The following CRACDL variants were observed in gnomAD, a reference collection of about 807,000 sequenced individuals.
CRACDL encodes the protein CRACD-like protein.
CRACDL carries 26 observed loss-of-function variants against 70.6 expected under a neutral mutation model. That is an observed-to-expected ratio of 0.37 (90% CI 0.27 to 0.51). The LOEUF (loss-of-function observed/expected upper bound fraction) is 0.51. Among genes scored for constraint, CRACDL ranks in the 20% least tolerant of loss-of-function variants. CRACDL has a pLI of 0.94. For synonymous variants in CRACDL, 618 were observed against 615.2 expected, an observed-to-expected ratio of 1.00 and a Z score of -0.07; for missense variants, 1,283 against 1,376.9, an observed-to-expected ratio of 0.93 and a Z score of 1.08.
intron 2 of CRACDL, 105 bp from the exon 3 acceptor site, chr2:98,838,392 A>G (rs1575372165): frequency 1.6e-6 from 1 of 628,650 alleles, no homozygotes; most frequent in Middle Eastern, 4.1e-4. Context: ...ATTTCCATCC[A>G]TGCATCAGTT....
At chr2:98,842,853 A>C (rs898842104) in intron 2 of CRACDL, among the ~76,000 whole-genome samples, 1 of 150,560 alleles carries the variant, frequency 6.6e-6, no homozygotes, top group East Asian at 1.9e-4. Context: ...GCAATTATAA[A>C]TAAGTTGCTA....
At position 98,862,522 on chromosome 2, in the gene CRACDL, A is replaced by G. The variant is rs1434842690; in HGVS notation, c.-10-15712T>C. 7.2e-5 allele frequency among the ~76,000 whole-genome samples: 11 copies of G among 152,236 alleles called. No homozygotes were observed. The East Asian group carries it at 1.9e-3, about 27-fold the overall frequency. On this transcript the variant is annotated intron_variant, in intron 1 of 9. Transcript: ENST00000397899. The stretch of plus-strand genomic sequence containing the variant: ...ATCTTAAAAATGTTCACCAAACTAA[A>G]GGGAGATGTGGAGAAAATCAAGAAA...
At chr2:98,924,351 C>A (rs1309249686) in intron 1 of CRACDL, among the ~76,000 whole-genome samples, 1 of 152,248 alleles carries the variant, frequency 6.6e-6, no homozygotes, top group Non-Finnish European at 1.5e-5. Context: ...TGGGGACAAG[C>A]AAGCCACTTT....
At chr2:98,832,597 G>A in intron 4 of CRACDL, 85 bp from the exon 5 acceptor site, 1 of 1,308,302 alleles carries the variant, frequency 7.6e-7, no homozygotes, top group Non-Finnish European at 1.1e-6. Context: ...ATTCATGCTG[G>A]AAATGCCTTC....
In CRACDL at chr2:98,822,015, G is replaced by T; in HGVS notation, c.2258C>A (p.Pro753His). 1 of 1,539,112 alleles carries T rather than the reference G, an allele frequency of 6.5e-7. No individual in the cohort carries two copies. The highest frequency in any genetic ancestry group is 8.8e-7 in the Non-Finnish European group (1 of 1,142,084). Reference protein sequence around the residue: ...SDQGKGKARPPEPLSSKPPLP... With the variant: ...SDQGKGKARPHEPLSSKPPLP... Reference sequence around the variant, plus strand: ...GGGCGGCTTGGAGCTGAGCGGCTCGGGGGGCCGGGCCTTCCCCTTTCCTTG... The same window carrying T: ...GGGCGGCTTGGAGCTGAGCGGCTCGTGGGGCCGGGCCTTCCCCTTTCCTTG... Residue 753 changes from proline (P) to histidine (H), a missense_variant, in exon 7 of 10, where the codon CCC becomes CAC. Physicochemically the swap from Pro to His is moderately conservative, Grantham distance 77. Coordinates refer to ENST00000397899, the MANE Select transcript of CRACDL (RefSeq NM_207362.3). This position sits in a 1 kb window ranked among gnomAD's most constrained non-coding sequence, Gnocchi z 4.9.
At chr2:98,834,708 A>G (rs1243354925) in intron 3 of CRACDL, among the ~76,000 whole-genome samples, 2 of 152,236 alleles carry the variant, frequency 1.3e-5, no homozygotes, top group Admixed American at 1.3e-4. Flanking sequence ...TTAAAAGATG[A>G]AACCAAACAA....
intron 1 of CRACDL, among the ~76,000 whole-genome samples, chr2:98,906,422 A>G (rs1029963163): frequency 6.6e-6 from 1 of 151,882 alleles, no homozygotes; most frequent in African/African-American, 2.4e-5. Context: ...CCACTACGCC[A>G]GGCTAATTTT....
chr2:98,842,565 C>A (rs1706076139), intron 2 of CRACDL, among the ~76,000 whole-genome samples: 1 of 152,112 alleles, frequency 6.6e-6, no homozygotes, highest in Non-Finnish European at 1.5e-5. Flanking sequence ...TGTAGTCCAA[C>A]ATTCCCCGCT....
At chr2:98,826,921 G>C (rs1359313563) in intron 6 of CRACDL, 54 bp downstream of exon 6, 3 of 1,443,890 alleles carry the variant, frequency 2.1e-6, no homozygotes, top group Non-Finnish European at 2.8e-6. Context: ...GGGGGCATAG[G>C]GGGGTGCCAA....
intron 1 of CRACDL, among the ~76,000 whole-genome samples, chr2:98,881,327 C>T (rs899302165): frequency 1.3e-5 from 2 of 152,204 alleles, no homozygotes; most frequent in African/African-American, 4.8e-5. Context: ...GACACTCAGG[C>T]TCCCCGCAGA....
At chr2:98,820,449 A>T (rs1311031138) in intron 7 of CRACDL, among the ~76,000 whole-genome samples, 1 of 152,104 alleles carries the variant, frequency 6.6e-6, no homozygotes, top group East Asian at 1.9e-4. Context: ...CAGGAGAATC[A>T]CTTGAACCCG....
intron 4 of CRACDL, 95 bp downstream of exon 4, chr2:98,832,767 A>T: frequency 6.7e-7 from 1 of 1,481,814 alleles, no homozygotes; most frequent in Non-Finnish European, 9.4e-7. Flanking sequence ...ATTCTACTTT[A>T]CAGCATATCA....
intron 7 of CRACDL, chr2:98,809,657 G>A (rs79425382): frequency 0.085 from 12,916 of 152,184 alleles, 782 homozygotes; most frequent in Non-Finnish European, 0.13. Flanking sequence ...GGTGGGGGTG[G>A]TGAGTGGTTG....
At chr2:98,815,002 TC>T (rs1197071649) in intron 7 of CRACDL, among the ~76,000 whole-genome samples, 5 of 152,186 alleles carry the variant, frequency 3.3e-5, no homozygotes, top group African/African-American at 1.2e-4. Context: ...ATATAGCCAC[TC>T]CAGCTTTTCC....
intron 7 of CRACDL, 55 bp downstream of exon 7, chr2:98,821,802 G>A (rs1031264913): frequency 1.3e-5 from 21 of 1,579,528 alleles, no homozygotes; most frequent in East Asian, 4.6e-5. Context: ...AGATGTGCCC[G>A]TGGATGTGGA....
intron 1 of CRACDL, among the ~76,000 whole-genome samples, chr2:98,895,850 G>A (rs1472883099): frequency 6.6e-6 from 1 of 152,128 alleles, no homozygotes; most frequent in Admixed American, 6.6e-5. Context: ...AGGTGATTAG[G>A]TCATGGGGCT....
At position 98,893,344 on chromosome 2, in the gene CRACDL, T is replaced by C. The variant is rs931370047; in HGVS notation, c.-11+42594A>G. On this transcript the variant is annotated intron_variant, in intron 1 of 9. Transcript: ENST00000397899. ...TGTTGCCCAGGCTGGAGTGCAGTGA[T>C]GCGATCTCAGTTCACTACAAGCTCC... Among the ~76,000 whole-genome samples the C allele has an allele frequency of 4.6e-5, 7 of 152,254 alleles. 1 individual carries two copies. The highest frequency in any genetic ancestry group is 4.6e-4 in the Admixed American group (7 of 15,296).
intron 5 of CRACDL, among the ~76,000 whole-genome samples, chr2:98,830,517 T>C (rs2104493903): frequency 6.6e-6 from 1 of 152,328 alleles, no homozygotes; most frequent in African/African-American, 2.4e-5. Flanking sequence ...CAATTATGCA[T>C]AAAAACTTTC....
At chr2:98,850,002 T>C (rs964793448) in intron 1 of CRACDL, among the ~76,000 whole-genome samples, 63 of 152,154 alleles carry the variant, frequency 4.1e-4, no homozygotes, top group African/African-American at 1.4e-3. Flanking sequence ...CTGCTGTCGG[T>C]TTCTGCAGCC....
Sources: gnomAD v4.1 joint callset for allele counts (sites outside exome capture counted in the v4.1 genomes callset) on GRCh38, gnomAD v4.1.1 for gene constraint, Gnocchi (gnomAD v3.1) non-coding constraint, MANE v1.5 for transcripts, NCBI Gene and HGNC (gene_info 2026-07-23, HGNC 2026-07-21) for gene names.